The following GLIS1 variants were observed in gnomAD, a reference collection of about 807,000 sequenced individuals.
GLIS1 encodes the protein GLIS family zinc finger 1.
Under a neutral mutation model 63.8 loss-of-function variants are expected in GLIS1, and 24 were observed. The ratio of observed to expected loss-of-function variants is 0.38; its 90% CI spans 0.27 to 0.53. The LOEUF is 0.53. Ranked by LOEUF, GLIS1 falls within the 20% of genes least tolerant of loss-of-function variation. The probability of loss-of-function intolerance (pLI) is 0.85; values close to 1 mark genes in which losing one functional copy is unlikely to be tolerated. For synonymous variants in GLIS1, 450 were observed against 482.5 expected (o/e 0.93, Z 0.88); for missense variants, 1,036 against 1,074.1 (o/e 0.96, Z 0.50).
intron 2 of GLIS1, chr1:53,688,928 A>G (rs947478810): frequency 6.6e-6 from 1 of 152,206 alleles, no homozygotes; most frequent in Non-Finnish European, 1.5e-5. Context: ...GTGCAGAGGC[A>G]CCAGCCACAC....
intron 2 of GLIS1, among the ~76,000 whole-genome samples, chr1:53,676,857 T>G (rs1646218293): frequency 6.6e-6 from 1 of 152,196 alleles, no homozygotes; most frequent in African/African-American, 2.4e-5. Flanking sequence ...CCCCTTGAAT[T>G]TATTATAATT....
At chr1:53,711,108 C>T (rs1383194230) in intron 2 of GLIS1, among the ~76,000 whole-genome samples, 1 of 152,166 alleles carries the variant, frequency 6.6e-6, no homozygotes, top group Non-Finnish European at 1.5e-5. Context: ...CCCACCAGTA[C>T]CTCTATAGTC....
At chr1:53,716,151 G>T in intron 2 of GLIS1, among the ~76,000 whole-genome samples, 1 of 152,150 alleles carries the variant, frequency 6.6e-6, no homozygotes, top group East Asian at 1.9e-4. Context: ...GAGAGTACTC[G>T]CCAGAGCTCT....
In GLIS1 at chr1:53,693,437, T is replaced by C. The variant is rs141841591; in HGVS notation, c.259+44369A>G. ...CAGGCATCTGGCCAACCACTTGAGA[T>C]GGTTCTCAGCAGCCCCTGTGGCCAG... On this transcript the variant is annotated intron_variant, in intron 2 of 10. Transcript: ENST00000628545. Among the ~76,000 whole-genome samples, 1,076 of 152,318 alleles carry C rather than the reference T, an allele frequency of 7.1e-3. 14 individuals are homozygous for C. Among genetic ancestry groups the C allele is most frequent in the African/African-American group, 0.019 (805 of 41,572 alleles).
At position 53,685,557 on chromosome 1, in the gene GLIS1, C is replaced by T. The variant is rs1308402267; in HGVS notation, c.259+52249G>A. Among the ~76,000 whole-genome samples the T allele has an allele frequency of 3.3e-5, 5 of 152,206 alleles. No homozygotes were observed. In the South Asian group the frequency reaches 6.2e-4, roughly 19 times the overall value. The stretch of plus-strand genomic sequence containing the variant: ...CAATCTGATTAGCAGGCTGACTCTC[C>T]GAAGCCAAAATTACCCTGAGTTGCA... On this transcript the variant is annotated intron_variant, in intron 2 of 10. Coordinates refer to ENST00000628545, the MANE Select transcript of GLIS1 (RefSeq NM_001367484.1).
intron 2 of GLIS1, among the ~76,000 whole-genome samples, chr1:53,631,616 G>C (rs1395598186): frequency 6.6e-6 from 1 of 152,168 alleles, no homozygotes; most frequent in Non-Finnish European, 1.5e-5. Flanking sequence ...ATAAACAAAA[G>C]AAATAAGTAA....
chr1:53,732,124 C>T (rs147852414), intron 2 of GLIS1, among the ~76,000 whole-genome samples: 2 of 152,234 alleles, frequency 1.3e-5, no homozygotes, highest in Non-Finnish European at 2.9e-5. Context: ...CTCTTCTCAG[C>T]GCATCTGACT....
intron 2 of GLIS1, among the ~76,000 whole-genome samples, chr1:53,728,108 C>T (rs1557544469): frequency 6.6e-6 from 1 of 152,118 alleles, no homozygotes; most frequent in African/African-American, 2.4e-5. Context: ...TAATGACACT[C>T]TGCCCCTGTC....
intron 2 of GLIS1, among the ~76,000 whole-genome samples, chr1:53,638,408 C>T (rs1039803375): frequency 2.6e-5 from 4 of 152,102 alleles, no homozygotes; most frequent in Non-Finnish European, 4.4e-5. Flanking sequence ...TCCCCCAGGC[C>T]AGTTCAGGCC....
intron 4 of GLIS1, among the ~76,000 whole-genome samples, chr1:53,564,441 A>G (rs1446700611): frequency 2.6e-5 from 4 of 152,210 alleles, no homozygotes; most frequent in East Asian, 1.9e-4. Flanking sequence ...GGAAAAAGCA[A>G]AGTAGAAAGC....
intron 7 of GLIS1, among the ~76,000 whole-genome samples, chr1:53,520,370 A>C (rs921753713): frequency 6.6e-6 from 1 of 152,238 alleles, no homozygotes; most frequent in African/African-American, 2.4e-5. Flanking sequence ...GGCCAGGCTG[A>C]GACGGGTGAG....
chr1:53,651,896 T>C (rs1569989129), intron 2 of GLIS1, among the ~76,000 whole-genome samples: 1 of 144,032 alleles, frequency 6.9e-6, no homozygotes, highest in Non-Finnish European at 1.5e-5. Context: ...AAAAAAGCAA[T>C]TGACAAGCGG....
intron 2 of GLIS1, among the ~76,000 whole-genome samples, chr1:53,731,080 G>A (rs1161940936): frequency 1.3e-5 from 2 of 152,198 alleles, no homozygotes; most frequent in Non-Finnish European, 2.9e-5. Flanking sequence ...GGGAGACTAC[G>A]ACCGGGGCCT....
At chr1:53,693,382 CA>C (rs1438666701) in intron 2 of GLIS1, among the ~76,000 whole-genome samples, 1 of 152,202 alleles carries the variant, frequency 6.6e-6, no homozygotes, top group East Asian at 1.9e-4. Flanking sequence ...CTGACCATCC[CA>C]AACCTTCTGG....
chr1:53,533,683 A>T (rs1644553990), intron 4 of GLIS1, among the ~76,000 whole-genome samples: 1 of 152,198 alleles, frequency 6.6e-6, no homozygotes, highest in South Asian at 2.1e-4. Context: ...AGCCAGAGTC[A>T]TGCCCCATCA....
At chr1:53,556,063 G>C (rs1569819759) in intron 4 of GLIS1, among the ~76,000 whole-genome samples, 1 of 125,378 alleles carries the variant, frequency 8.0e-6, no homozygotes, top group Non-Finnish European at 1.6e-5. Flanking sequence ...GTGTATGCAG[G>C]TATACTGTAG....
intron 4 of GLIS1, among the ~76,000 whole-genome samples, chr1:53,573,939 G>A (rs1169734426): frequency 6.6e-6 from 1 of 152,234 alleles, no homozygotes; most frequent in East Asian, 1.9e-4. Flanking sequence ...CAGACACTCA[G>A]GGCATCCTTT....
chr1:53,564,665 C>A (rs1021961238), intron 4 of GLIS1, among the ~76,000 whole-genome samples: 1 of 151,890 alleles, frequency 6.6e-6, no homozygotes, highest in African/African-American at 2.4e-5. Context: ...AAAAGATATA[C>A]CATACAATTA....
rs566119685 is a variant in GLIS1, at chr1:53,667,172, G to A, written c.260-66894C>T. On this transcript the variant is annotated intron_variant, in intron 2 of 10. Transcript: ENST00000628545. ...GAACTGCAAAGCACTGTGCACATGT[G>A]TGTGCCACTCCGGAGCTTCCCCTGC... 2.0e-4 allele frequency among the ~76,000 whole-genome samples: 31 copies of A among 152,352 alleles called. No individual in the cohort carries two copies. In the East Asian group the frequency reaches 6.0e-3, roughly 29 times the overall value.
Sources: allele counts gnomAD v4.1 joint callset (sites outside exome capture counted in the v4.1 genomes callset), GRCh38; gene constraint gnomAD v4.1.1; transcripts MANE v1.5; gene names NCBI Gene and HGNC (gene_info 2026-07-23, HGNC 2026-07-21).